The following PPP1R12B variants were observed in gnomAD, a reference collection of about 807,000 sequenced individuals.
PPP1R12B encodes myosin phosphatase target subunit 2.
In PPP1R12B, 76 loss-of-function variants were observed where a neutral mutation model predicts 126.1. That is an observed-to-expected ratio of 0.60 (90% CI 0.50 to 0.73). PPP1R12B has a LOEUF of 0.73. PPP1R12B is among the 30% of genes least tolerant of loss of function. PPP1R12B has a pLI of 0.00. For missense variants in PPP1R12B, 1,052 were observed against 1,205.1 expected (o/e 0.87, Z 1.88); for synonymous variants, 356 against 434.7 (o/e 0.82, Z 2.25).
chr1:202,564,336 C>A, intron 20 of PPP1R12B, 107 bp from the exon 21 acceptor site: 1 of 724,536 alleles, frequency 1.4e-6, no homozygotes, highest in Non-Finnish European at 2.3e-6. Context: ...TTTTCTCTCT[C>A]TACCATATAG....
chr1:202,548,804 CTCTCTATATATATA>C (rs1345604388), intron 18 of PPP1R12B, among the ~76,000 whole-genome samples: 64 of 82,278 alleles, frequency 7.8e-4, no homozygotes, highest in African/African-American at 2.2e-3. Flanking sequence ...CTCTCTCTCT[CTCTCTATATATATA>C]TATATATATA....
intron 18 of PPP1R12B, among the ~76,000 whole-genome samples, chr1:202,514,485 G>A (rs772573789): frequency 3.3e-5 from 5 of 152,102 alleles, no homozygotes; most frequent in Non-Finnish European, 7.4e-5. Flanking sequence ...TGGTGTCCTC[G>A]TCATGAAATC....
rs377426301 is a variant in PPP1R12B, at chr1:202,556,077, C to T, written c.2491-2800C>T. Among the ~76,000 whole-genome samples, 168 of 152,076 alleles carry T rather than the reference C, an allele frequency of 1.1e-3. 1 individual carries two copies. In the South Asian group the frequency reaches 0.011, roughly 10 times the overall value. On this transcript the variant is annotated intron_variant, in intron 18 of 23. Transcript: ENST00000608999. ...TTTTAGTGGAGATGGGGTTTTGCCA[C>T]GTTGGCCAGGTTGGTCTCGAACTCC... is the stretch of plus-strand genomic sequence containing the variant.
At chr1:202,572,056 G>A (rs1001235005) in intron 23 of PPP1R12B, among the ~76,000 whole-genome samples, 1 of 152,144 alleles carries the variant, frequency 6.6e-6, no homozygotes, top group Non-Finnish European at 1.5e-5. Context: ...GGTATGACTG[G>A]CCCTAAAAGA....
At chr1:202,456,685 C>T (rs1673682367) in intron 13 of PPP1R12B, among the ~76,000 whole-genome samples, 1 of 152,148 alleles carries the variant, frequency 6.6e-6, no homozygotes, top group Non-Finnish European at 1.5e-5. Context: ...TCTATACAAG[C>T]GTCAGGGTAG....
At chr1:202,548,761 G>A (rs1304215552) in intron 18 of PPP1R12B, among the ~76,000 whole-genome samples, 1 of 133,950 alleles carries the variant, frequency 7.5e-6, no homozygotes, top group African/African-American at 2.8e-5. Flanking sequence ...TCATGCGCTC[G>A]CTCACTCGCT....
chr1:202,370,887 G>T (rs1395350755), intron 1 of PPP1R12B, among the ~76,000 whole-genome samples: 4 of 151,730 alleles, frequency 2.6e-5, no homozygotes, highest in Non-Finnish European at 5.9e-5. Context: ...TTCTGATGTG[G>T]TTGTACCATT....
intron 1 of PPP1R12B, among the ~76,000 whole-genome samples, chr1:202,393,771 A>T (rs753360562): frequency 5.9e-5 from 9 of 152,214 alleles, no homozygotes; most frequent in Non-Finnish European, 1.0e-4. Context: ...CAAAAGAAGT[A>T]GACCCAGGTC....
At chr1:202,486,837 T>C (rs1486610408) in intron 13 of PPP1R12B, among the ~76,000 whole-genome samples, 2 of 152,154 alleles carry the variant, frequency 1.3e-5, no homozygotes, top group African/African-American at 4.8e-5. Context: ...CAAGGAACAC[T>C]GTAAACCCAG....
intron 18 of PPP1R12B, among the ~76,000 whole-genome samples, chr1:202,548,763 TCA>T (rs1685930630): frequency 7.0e-6 from 1 of 141,850 alleles, no homozygotes; most frequent in African/African-American, 2.6e-5. Flanking sequence ...ATGCGCTCGC[TCA>T]CTCGCTCGCT....
chr1:202,559,653 A>G (rs1473342304), intron 19 of PPP1R12B, among the ~76,000 whole-genome samples: 2 of 152,200 alleles, frequency 1.3e-5, no homozygotes, highest in South Asian at 2.1e-4. Context: ...GGGAGAAGAT[A>G]TAGTTATGGG....
chr1:202,422,050 A>C (rs1444945142), intron 2 of PPP1R12B, among the ~76,000 whole-genome samples: 3 of 152,238 alleles, frequency 2.0e-5, no homozygotes, highest in Admixed American at 1.3e-4. Flanking sequence ...AAGGTATTGA[A>C]TTATCAGACC....
At chr1:202,502,541 T>C (rs1215619954) in intron 18 of PPP1R12B, 1 of 878,600 alleles carries the variant, frequency 1.1e-6, no homozygotes, top group South Asian at 5.2e-5. Flanking sequence ...CAAGCACTTT[T>C]CTAGATTCTG....
chr1:202,470,811 G>A (rs1675758162), intron 13 of PPP1R12B, among the ~76,000 whole-genome samples: 1 of 151,850 alleles, frequency 6.6e-6, no homozygotes, highest in Non-Finnish European at 1.5e-5. Flanking sequence ...TGGCTGATGT[G>A]GGAGGATCAC....
intron 12 of PPP1R12B, among the ~76,000 whole-genome samples, chr1:202,446,580 A>G (rs1405750223): frequency 6.8e-6 from 1 of 148,126 alleles, no homozygotes; most frequent in Non-Finnish European, 1.5e-5. Flanking sequence ...TTTTACATAT[A>G]TAATATTATA....
At position 202,466,844 on chromosome 1, in the gene PPP1R12B, C is replaced by CAAG. The variant is rs1393542609; in HGVS notation, c.1850+17675_1850+17677dup. On this transcript the variant is annotated intron_variant, in intron 13 of 23. Coordinates refer to ENST00000608999, the MANE Select transcript of PPP1R12B (RefSeq NM_002481.4). Reference sequence around the variant, plus strand: ...TTTCTTTCCTCTAGCCTTAAAAAGGCAAGAGAAAGTCTTTGTTCTCACTTT... The same window carrying CAAG: ...TTTCTTTCCTCTAGCCTTAAAAAGGCAAGAAGAGAAAGTCTTTGTTCTCACTTT... Among the ~76,000 whole-genome samples the CAAG allele has an allele frequency of 7.2e-5, 11 of 152,176 alleles. 1 individual carries two copies. The highest frequency in any genetic ancestry group is 2.6e-4 in the African/African-American group (11 of 41,536).
intron 23 of PPP1R12B, among the ~76,000 whole-genome samples, chr1:202,571,745 C>T (rs1031342152): frequency 6.6e-6 from 1 of 152,116 alleles, no homozygotes. Flanking sequence ...TGTGAGCCAT[C>T]GCGTCTGGCC....
intron 18 of PPP1R12B, chr1:202,502,100 T>G: frequency 1.0e-6 from 1 of 985,750 alleles, no homozygotes; most frequent in Non-Finnish European, 1.2e-6. Context: ...TGGCACTCAA[T>G]CTGAACAAAA....
intron 1 of PPP1R12B, among the ~76,000 whole-genome samples, chr1:202,360,553 A>G (rs899810431): frequency 1.3e-5 from 2 of 151,986 alleles, no homozygotes; most frequent in Non-Finnish European, 2.9e-5. Flanking sequence ...TACCAAAAAT[A>G]AAAAATTTAG....
Sources: gnomAD v4.1 joint callset for allele counts (sites outside exome capture counted in the v4.1 genomes callset) on GRCh38, gnomAD v4.1.1 for gene constraint, MANE v1.5 for transcripts, NCBI Gene and HGNC (gene_info 2026-07-23, HGNC 2026-07-21) for gene names.